The following DNMT3A variants were observed in gnomAD, a reference collection of about 807,000 sequenced individuals.
The protein encoded by DNMT3A is DNA methyltransferase 3 alpha.
In DNMT3A, 267 loss-of-function variants were observed where a neutral mutation model predicts 117.6. The ratio of observed to expected loss-of-function variants is 2.27; its 90% confidence interval spans 2.05 to 2.51. DNMT3A has a LOEUF of 2.51. Among genes scored for constraint, DNMT3A ranks in the 30% most tolerant of loss-of-function variants. The probability of loss-of-function intolerance (pLI) is 0.00; values close to 1 mark genes in which losing one functional copy is unlikely to be tolerated. For missense variants in DNMT3A, 1,029 were observed against 1,260.2 expected (o/e 0.82, Z 2.78); for synonymous variants, 432 against 474.8 (o/e 0.91, Z 1.17).
chr2:25,307,322 C>G (rs1429279856), intron 2 of DNMT3A, among the ~76,000 whole-genome samples: 1 of 152,090 alleles, frequency 6.6e-6, no homozygotes, highest in African/African-American at 2.4e-5. Flanking sequence ...CTCCACCACT[C>G]AGCTCTATTC....
rs533889720 is a variant in DNMT3A at position 25,254,437 on chromosome 2, G to A, written c.640-6185C>T. On this transcript the variant is annotated intron_variant, in intron 6 of 22. Coordinates refer to ENST00000321117, the MANE Select transcript of DNMT3A (RefSeq NM_022552.5). The surrounding 1 kb of genome is among the most constrained non-coding windows in gnomAD (Gnocchi z 4.7). ...GGTACAGACTCCCCCCCAACCCTGA[G>A]ACCCAGAATCCATACAGCTAGGAAA... Among the ~76,000 whole-genome samples the A allele has an allele frequency of 6.6e-6, 1 of 152,164 alleles. No individual in the cohort carries two copies. The highest frequency in any genetic ancestry group is 1.9e-4 in the East Asian group (1 of 5,186).
intron 6 of DNMT3A, among the ~76,000 whole-genome samples, chr2:25,266,296 G>A (rs562187137): frequency 2.6e-5 from 4 of 152,300 alleles, no homozygotes; most frequent in East Asian, 1.9e-4. Flanking sequence ...TTGAGGCCAC[G>A]CTGCAAAAGG....
intron 2 of DNMT3A, among the ~76,000 whole-genome samples, chr2:25,309,792 G>A (rs531210223): frequency 2.0e-5 from 3 of 152,262 alleles, no homozygotes; most frequent in South Asian, 2.1e-4. Context: ...GGTGGCTCAC[G>A]CCTGTAATCC....
intron 20 of DNMT3A, among the ~76,000 whole-genome samples, chr2:25,238,150 C>T (rs2149264309): frequency 6.6e-6 from 1 of 152,196 alleles, no homozygotes; most frequent in South Asian, 2.1e-4. Flanking sequence ...TGAGTGGTTC[C>T]ATGAAAATAC....
At chr2:25,243,166 G>A (rs545117483) in intron 16 of DNMT3A, among the ~76,000 whole-genome samples, 9 of 151,986 alleles carry the variant, frequency 5.9e-5, no homozygotes, top group Non-Finnish European at 1.0e-4. Context: ...TTAGCTGGGC[G>A]TGGTGGTGGG....
chr2:25,247,504 A>G lies in DNMT3A; in HGVS notation c.1014+87T>C, dbSNP rs1434120680. 1.9e-6 allele frequency: 3 copies of G among 1,559,206 alleles called. No individual in the cohort carries two copies. The highest frequency in any genetic ancestry group is 2.7e-5 in the African/African-American group (2 of 73,340). ...AGCAGAACCCACTTCCATCACCCCA[A>G]TTCCAGACTGCCCCCAGCCAAAACC... On this transcript the variant is annotated intron_variant, in intron 8 of 22. Transcript: ENST00000321117. The surrounding 1 kb of genome is among the most constrained non-coding windows in gnomAD (Gnocchi z 5.6).
chr2:25,285,871 C>T (rs1012103692), intron 3 of DNMT3A, among the ~76,000 whole-genome samples: 1 of 152,196 alleles, frequency 6.6e-6, no homozygotes, highest in Non-Finnish European at 1.5e-5. Flanking sequence ...GTGGAGTGTA[C>T]CCCTGCACTG....
intron 1 of DNMT3A, among the ~76,000 whole-genome samples, chr2:25,335,373 G>A (rs1245855371): frequency 2.0e-5 from 3 of 152,240 alleles, no homozygotes; most frequent in South Asian, 4.1e-4. Flanking sequence ...GCAGGGGCAG[G>A]GGCGAACTCG....
rs762395343 is a variant in DNMT3A at position 25,234,273 on chromosome 2, T to A, written c.*6A>T. 1 of 1,607,046 alleles carries A rather than the reference T, an allele frequency of 6.2e-7. No homozygotes were observed. The highest frequency in any genetic ancestry group is 8.5e-7 in the Non-Finnish European group (1 of 1,175,586). ...GTGTCGCTACCTCAGTTTGCCCCCA[T>A]GTCCCTTACACACACGCAAAATACT... On this transcript the variant is annotated 3_prime_UTR_variant, in exon 23 of 23. Coordinates refer to ENST00000321117, the MANE Select transcript of DNMT3A (RefSeq NM_022552.5). This position sits in a 1 kb window ranked among gnomAD's most constrained non-coding sequence, Gnocchi z 4.5.
rs1022255662 is a variant in DNMT3A at position 25,298,508 on chromosome 2, CAG to C, written c.177+1629_177+1630del. On this transcript the variant is annotated intron_variant, in intron 3 of 22. Coordinates refer to ENST00000321117, the MANE Select transcript of DNMT3A (RefSeq NM_022552.5). This position sits in a 1 kb window ranked among gnomAD's most constrained non-coding sequence, Gnocchi z 4.3. The stretch of plus-strand genomic sequence containing the variant: ...CTTGTCCTCAGAAACTGGACGGGGA[CAG>C]GGGGAGTTTGCTTAGCATATTGCAC... Among the ~76,000 whole-genome samples the C allele has an allele frequency of 3.3e-5, 5 of 152,268 alleles. No homozygotes were observed. Among genetic ancestry groups the C allele is most frequent in the African/African-American group, 1.2e-4 (5 of 41,538 alleles).
In DNMT3A at chr2:25,306,824, G is replaced by A. The variant is rs1254915601; in HGVS notation, c.73-6581C>T. Among the ~76,000 whole-genome samples, 2 of 152,212 alleles carry A rather than the reference G, an allele frequency of 1.3e-5. No homozygotes were observed. The highest frequency in any genetic ancestry group is 2.9e-5 in the Non-Finnish European group (2 of 68,034). ...AACAAATAGGAAACTCGGTTCAGAG[G>A]GAGACAACAACATGTAAACAAGTAC... On this transcript the variant is annotated intron_variant, in intron 2 of 22. Transcript: ENST00000321117. This position sits in a 1 kb window ranked among gnomAD's most constrained non-coding sequence, Gnocchi z 4.1.
upstream of DNMT3A, among the ~76,000 whole-genome samples, chr2:25,342,099 G>A (rs1480880725): frequency 6.8e-5 from 8 of 118,458 alleles, no homozygotes; most frequent in East Asian, 3.0e-4. The surrounding 1 kb of genome is among the most constrained non-coding windows in gnomAD (Gnocchi z 5.9). Flanking sequence ...TCCGCCCGCC[G>A]CTCGCCCCCC....
rs562442712 is a variant in DNMT3A, at chr2:25,230,578, C to G, written c.*3701G>C. The G allele has an allele frequency of 9.2e-5, 14 of 152,544 alleles. No homozygotes were observed. The highest frequency in any genetic ancestry group is 4.6e-4 in the Admixed American group (7 of 15,306). The allele number at this position is 152,544 out of a possible 1,614,324, so 9.4% of individuals were successfully genotyped here. ...CCACTCCACTGCCTCTAACCTCTGCCTTATCTACAGCCTGCTGAAGTTCAG... is the reference window on the plus strand; with the variant it reads ...CCACTCCACTGCCTCTAACCTCTGCGTTATCTACAGCCTGCTGAAGTTCAG... On this transcript the variant is annotated 3_prime_UTR_variant, in exon 23 of 23. Transcript: ENST00000321117.
At chr2:25,336,850 C>G (rs1369709752) in intron 1 of DNMT3A, among the ~76,000 whole-genome samples, 1 of 152,200 alleles carries the variant, frequency 6.6e-6, no homozygotes, top group Non-Finnish European at 1.5e-5. Flanking sequence ...CTTCTGTGCT[C>G]TGGGGCGCTT....
At position 25,282,476 on chromosome 2, in the gene DNMT3A, G is replaced by T. The variant is rs1310158529; in HGVS notation, c.413C>A (p.Thr138Asn). The T allele has an allele frequency of 6.8e-6, 11 of 1,613,108 alleles. No individual in the cohort carries two copies. Among genetic ancestry groups the T allele is most frequent in the East Asian group, 4.5e-5 (2 of 44,876 alleles). Residue 138 changes from threonine (T) to asparagine (N), a missense_variant, in exon 4 of 23, where the codon ACC becomes AAC. Coordinates refer to ENST00000321117, the MANE Select transcript of DNMT3A (RefSeq NM_022552.5). The surrounding 1 kb of genome is among the most constrained non-coding windows in gnomAD (Gnocchi z 5.2). ...ASRAVENGCC[T>N]PKEGRGAPAE... ...AGGGGCTCCTCGGCCCTCCTTGGGGGTGCAGCAGCCATTTTCCACTGCTCT... is the reference window on the plus strand; with the variant it reads ...AGGGGCTCCTCGGCCCTCCTTGGGGTTGCAGCAGCCATTTTCCACTGCTCT...
rs781118037 is a variant in DNMT3A, at chr2:25,246,777, C to A, written c.1123-1G>T. 1.9e-6 allele frequency: 3 copies of A among 1,612,948 alleles called. No homozygotes were observed. Among genetic ancestry groups the A allele is most frequent in the African/African-American group, 1.3e-5 (1 of 74,942 alleles). ...GCTTCCCCGCGCGGCTGCTGGCCAC[C>A]TGGAGGGTGACACGCCAGGGTTGGG... On this transcript the variant is annotated splice_acceptor_variant, in intron 9 of 22. Transcript: ENST00000321117. LOFTEE classifies it high-confidence loss of function.
chr2:25,244,404 C>A, intron 14 of DNMT3A, 66 bp from the exon 15 acceptor site: 1 of 1,568,144 alleles, frequency 6.4e-7, no homozygotes, highest in Non-Finnish European at 8.7e-7. Flanking sequence ...AGGTGTGCTA[C>A]CTGGAATGGA....
intron 16 of DNMT3A, among the ~76,000 whole-genome samples, chr2:25,243,400 C>G (rs558343053): frequency 7.6e-4 from 116 of 152,228 alleles, no homozygotes; most frequent in Non-Finnish European, 1.5e-3. Flanking sequence ...CATTCACTAC[C>G]CACTTAATTT....
At chr2:25,259,501 C>T (rs777904517) in intron 6 of DNMT3A, among the ~76,000 whole-genome samples, 5 of 152,166 alleles carry the variant, frequency 3.3e-5, no homozygotes, top group Non-Finnish European at 7.3e-5. Context: ...TAGAATCACA[C>T]GTATCTGCTA....
Sources: allele counts gnomAD v4.1 joint callset (sites outside exome capture counted in the v4.1 genomes callset), GRCh38; gene constraint gnomAD v4.1.1; non-coding constraint Gnocchi (gnomAD v3.1); transcripts MANE v1.5; gene names NCBI Gene and HGNC (gene_info 2026-07-23, HGNC 2026-07-21).